Variants in COX10 observed in about 807,000 individuals in gnomAD.
The protein encoded by COX10 is cytochrome c oxidase assembly factor heme A:farnesyltransferase COX10, also known as protoheme IX farnesyltransferase, mitochondrial.
Under a neutral mutation model 37.3 loss-of-function variants are expected in COX10, and 27 were observed. That is an observed-to-expected ratio of 0.72 (90% CI 0.53 to 1.00). The LOEUF (loss-of-function observed/expected upper bound fraction) is 1.00. Among genes scored for constraint, COX10 ranks in the 50% least tolerant of loss-of-function variants. The pLI, the probability that COX10 is intolerant of heterozygous loss-of-function variation, is 0.00. For missense variants in COX10, 475 were observed against 563.2 expected, an observed-to-expected ratio of 0.84 and a Z score of 1.59; for synonymous variants, 222 against 229.1, an observed-to-expected ratio of 0.97 and a Z score of 0.28.
Position 14,199,984 on chromosome 17 carries a change from T to C in COX10, c.929-6826T>C, listed in dbSNP as rs543919966. 9.9e-5 allele frequency among the ~76,000 whole-genome samples: 15 copies of C among 152,254 alleles called. No homozygotes were observed. The South Asian group carries it at 3.1e-3, about 32-fold the overall frequency. On this transcript the variant is annotated intron_variant, in intron 6 of 6. Coordinates refer to ENST00000261643, the MANE Select transcript of COX10 (RefSeq NM_001303.4). ...CCGTGGGCCACATCAGAGAGGAGAC[T>C]ATTGTACTGGCGAGGGAAGACCTCC...
At chr17:14,201,762 C>T (rs1482714825) in intron 6 of COX10, among the ~76,000 whole-genome samples, 2 of 152,224 alleles carry the variant, frequency 1.3e-5, no homozygotes, top group Admixed American at 1.3e-4. Flanking sequence ...TTCCCCCGTG[C>T]TTGTGGCTGT....
chr17:14,204,339 C>A (rs898076016), intron 6 of COX10, among the ~76,000 whole-genome samples: 18 of 152,040 alleles, frequency 1.2e-4, no homozygotes, highest in Admixed American at 9.2e-4. Context: ...AGACTGAACA[C>A]ACCCAAGGTC....
intron 5 of COX10, among the ~76,000 whole-genome samples, chr17:14,163,895 T>C (rs1905222748): frequency 6.6e-6 from 1 of 152,216 alleles, no homozygotes; most frequent in Admixed American, 6.5e-5. Context: ...TACAATTCAC[T>C]CTATGCTATG....
intron 5 of COX10, chr17:14,182,238 A>G (rs1027723839): frequency 1.0e-5 from 8 of 763,978 alleles, no homozygotes; most frequent in Non-Finnish European, 1.3e-5. Context: ...AGCATTTTTT[A>G]GAGATGGGAC....
At chr17:14,122,884 G>T (rs746648567) in intron 4 of COX10, among the ~76,000 whole-genome samples, 1 of 152,162 alleles carries the variant, frequency 6.6e-6, no homozygotes, top group East Asian at 1.9e-4. Context: ...TGTTTCTCCA[G>T]TGCTTGCCTT....
At position 14,080,581 on chromosome 17, in the gene COX10, A is replaced by G. The variant is rs183380278; in HGVS notation, c.499+3525A>G. ...TAAGCAGTCTTTACCAGTTTCGCCA[A>G]TTTGATCATTGAAAAAGGTTTTGTA... On this transcript the variant is annotated intron_variant, in intron 3 of 6. Coordinates refer to ENST00000261643, the MANE Select transcript of COX10 (RefSeq NM_001303.4). Among the ~76,000 whole-genome samples, 5 of 152,310 alleles carry G rather than the reference A, an allele frequency of 3.3e-5. No homozygotes were observed. In the East Asian group the frequency reaches 7.7e-4, roughly 23 times the overall value.
At chr17:14,122,899 G>A (rs574747544) in intron 4 of COX10, among the ~76,000 whole-genome samples, 1 of 152,280 alleles carries the variant, frequency 6.6e-6, no homozygotes, top group African/African-American at 2.4e-5. Flanking sequence ...TGCCTTTGGA[G>A]GAGCTGCTTC....
intron 3 of COX10, among the ~76,000 whole-genome samples, chr17:14,086,796 C>A (rs1915417661): frequency 6.6e-6 from 1 of 152,118 alleles, no homozygotes; most frequent in African/African-American, 2.4e-5. Context: ...CTCATCAATA[C>A]AATTAAATCT....
At chr17:14,125,376 T>C (rs960648889) in intron 4 of COX10, among the ~76,000 whole-genome samples, 2 of 152,212 alleles carry the variant, frequency 1.3e-5, no homozygotes, top group Non-Finnish European at 2.9e-5. Context: ...TCAAATTCGT[T>C]CTTTGTTGAA....
chr17:14,083,530 C>G (rs768323501), intron 3 of COX10, among the ~76,000 whole-genome samples: 1 of 152,046 alleles, frequency 6.6e-6, no homozygotes, highest in Non-Finnish European at 1.5e-5. Flanking sequence ...CTGTAATATA[C>G]GGAGGATAAT....
chr17:14,098,939 G>T (rs1915709810), intron 3 of COX10, among the ~76,000 whole-genome samples: 1 of 152,112 alleles, frequency 6.6e-6, no homozygotes, highest in Non-Finnish European at 1.5e-5. Context: ...AGAACAGGCT[G>T]TACCCCTAAG....
At chr17:14,097,318 G>GT (rs35535081) in intron 3 of COX10, among the ~76,000 whole-genome samples, 47 of 144,546 alleles carry the variant, frequency 3.3e-4, no homozygotes, top group Admixed American at 4.8e-4. Context: ...TAGCTTTTGG[G>GT]TTTTTTTTTT....
intron 4 of COX10, among the ~76,000 whole-genome samples, chr17:14,149,678 A>C (rs1904832662): frequency 6.6e-6 from 1 of 152,150 alleles, no homozygotes; most frequent in Admixed American, 6.5e-5. Flanking sequence ...TGCTTCATGG[A>C]AAAAGTCTGC....
intron 4 of COX10, among the ~76,000 whole-genome samples, chr17:14,149,958 G>A (rs1904841235): frequency 6.6e-6 from 1 of 152,064 alleles, no homozygotes; most frequent in Admixed American, 6.6e-5. Context: ...TGGTGGGGAA[G>A]TGAACCTGAA....
At chr17:14,142,653 A>C (rs1463677756) in intron 4 of COX10, among the ~76,000 whole-genome samples, 1 of 152,206 alleles carries the variant, frequency 6.6e-6, no homozygotes, top group African/African-American at 2.4e-5. Flanking sequence ...TCTTTATTGG[A>C]AACTCTTAAT....
intron 3 of COX10, among the ~76,000 whole-genome samples, chr17:14,091,265 T>G (rs1242405330): frequency 6.6e-6 from 1 of 152,202 alleles, no homozygotes; most frequent in Non-Finnish European, 1.5e-5. Flanking sequence ...ATCAAATTTG[T>G]GAAAACTGTA....
chr17:14,150,340 A>G (rs1289159815), intron 4 of COX10, among the ~76,000 whole-genome samples: 1 of 152,222 alleles, frequency 6.6e-6, no homozygotes, highest in Non-Finnish European at 1.5e-5. Flanking sequence ...TTATGAAGAA[A>G]GACTGAGAGG....
intron 4 of COX10, among the ~76,000 whole-genome samples, chr17:14,153,727 A>G (rs1044951122): frequency 1.3e-5 from 2 of 152,248 alleles, no homozygotes; most frequent in African/African-American, 4.8e-5. Flanking sequence ...CACCTCAACT[A>G]TATGATATAT....
intron 6 of COX10, 36 bp from the exon 7 acceptor site, chr17:14,206,773 GC>G: frequency 1.2e-6 from 2 of 1,612,632 alleles, no homozygotes; most frequent in Non-Finnish European, 1.7e-6. Flanking sequence ...GGTGATGACT[GC>G]CTTTGTCTCC....
Sources: gnomAD v4.1 joint callset for allele counts (sites outside exome capture counted in the v4.1 genomes callset) on GRCh38, gnomAD v4.1.1 for gene constraint, MANE v1.5 for transcripts, NCBI Gene and HGNC (gene_info 2026-07-23, HGNC 2026-07-21) for gene names.